BPI: variants seen among roughly 807,000 people sequenced by gnomAD.
BPI encodes bactericidal permeability increasing protein.
In BPI, 48 loss-of-function variants were observed where a neutral mutation model predicts 57.6. That is an observed-to-expected ratio of 0.83 (90% CI 0.66 to 1.06). The LOEUF (loss-of-function observed/expected upper bound fraction) is 1.06, where lower values mean the gene tolerates loss of function less well. Among genes scored for constraint, BPI ranks in the 50% least tolerant of loss-of-function variants. BPI has a pLI of 0.00. For synonymous variants in BPI, 237 were observed against 238.2 expected (o/e 0.99, Z 0.05); for missense variants, 651 against 609.7 (o/e 1.07, Z -0.71).
intron 5 of BPI, among the ~76,000 whole-genome samples, chr20:38,315,338 G>A (rs570502363): frequency 6.6e-6 from 1 of 152,316 alleles, no homozygotes; most frequent in South Asian, 2.1e-4. Flanking sequence ...ATGATGCCAG[G>A]AGGGTCTGGA....
Position 38,310,704 on chromosome 20 carries a change from C to T in BPI, c.536+52C>T, listed in dbSNP as rs760534419. The T allele has an allele frequency of 2.5e-6, 4 of 1,579,532 alleles. No homozygotes were observed. The South Asian group carries it at 4.6e-5, about 18-fold the overall frequency. Reference sequence around the variant, plus strand: ...GAGGAGGGACTTAAAGAAGAACTCTCCCAATCATCCCTGTATTCCGAAAAC... The same window carrying T: ...GAGGAGGGACTTAAAGAAGAACTCTTCCAATCATCCCTGTATTCCGAAAAC... On this transcript the variant is annotated intron_variant, in intron 4 of 14. Coordinates refer to ENST00000642449, the MANE Select transcript of BPI (RefSeq NM_001725.3).
At chr20:38,307,843 G>A (rs150062116) in intron 2 of BPI, among the ~76,000 whole-genome samples, 162 bp downstream of exon 2, 77 of 152,260 alleles carry the variant, frequency 5.1e-4, no homozygotes, top group African/African-American at 1.8e-3. Context: ...CCAGCTGAGC[G>A]TGGAGGAAGC....
At chr20:38,333,329 G>T (rs931439514) in intron 12 of BPI, among the ~76,000 whole-genome samples, 1 of 152,030 alleles carries the variant, frequency 6.6e-6, no homozygotes, top group African/African-American at 2.4e-5. Flanking sequence ...CAGGAAAAGA[G>T]ACTCAGTTGT....
chr20:38,320,345 G>T (rs964144424), intron 7 of BPI, 71 bp downstream of exon 7: 30 of 1,407,774 alleles, frequency 2.1e-5, no homozygotes, highest in African/African-American at 7.1e-5. Context: ...CCCAGTCCTT[G>T]GAAACAAACT....
At chr20:38,337,057 A>G (rs2076771066) in intron 14 of BPI, 89 bp from the exon 15 acceptor site, 1 of 1,408,946 alleles carries the variant, frequency 7.1e-7, no homozygotes, top group Admixed American at 2.0e-5. Flanking sequence ...GCAGGCTCCC[A>G]AAATGTCCTT....
chr20:38,327,494 C>A, intron 10 of BPI, 94 bp from the exon 11 acceptor site: 1 of 1,395,880 alleles, frequency 7.2e-7, no homozygotes, highest in Non-Finnish European at 1.0e-6. Context: ...TGCTGCCCTG[C>A]TGAGCCGTTG....
At chr20:38,319,941 T>C in intron 6 of BPI, 1 of 528,016 alleles carries the variant, frequency 1.9e-6, no homozygotes, top group Non-Finnish European at 3.4e-6. Context: ...CCCTTGACCC[T>C]GTGTCTTAGC....
At chr20:38,318,075 G>A (rs1263667191) in intron 5 of BPI, 1 of 973,814 alleles carries the variant, frequency 1.0e-6, no homozygotes, top group Non-Finnish European at 1.2e-6. Flanking sequence ...ATCTGAGACA[G>A]CAAAATCAAA....
At chr20:38,324,893 G>C in intron 9 of BPI, 60 bp downstream of exon 9, 2 of 1,381,770 alleles carry the variant, frequency 1.4e-6, no homozygotes, top group Non-Finnish European at 2.1e-6. Flanking sequence ...ACAGGGCTTT[G>C]CTGAGTGGAT....
intron 3 of BPI, 50 bp downstream of exon 3, chr20:38,309,108 G>A (rs936709202): frequency 6.2e-7 from 1 of 1,612,438 alleles, no homozygotes; most frequent in Non-Finnish European, 8.5e-7. Context: ...GTGATATTTG[G>A]ACGGGATTAG....
At chr20:38,311,773 T>C in intron 4 of BPI, 101 bp from the exon 5 acceptor site, 1 of 1,231,984 alleles carries the variant, frequency 8.1e-7, no homozygotes, top group Non-Finnish European at 1.2e-6. Flanking sequence ...CCAAAACCTG[T>C]TTCTAGGAGG....
At chr20:38,312,556 A>G (rs895883235) in intron 5 of BPI, among the ~76,000 whole-genome samples, 3 of 152,228 alleles carry the variant, frequency 2.0e-5, no homozygotes, top group Non-Finnish European at 2.9e-5. Flanking sequence ...CTCAAAAAGC[A>G]AAGAGTTTTG....
At chr20:38,324,081 A>T (rs1380791929) in intron 8 of BPI, 35 bp downstream of exon 8, 1 of 1,604,520 alleles carries the variant, frequency 6.2e-7, no homozygotes, top group East Asian at 2.2e-5. Flanking sequence ...TGGGAAGAGC[A>T]CTGGACCCAG....
At chr20:38,312,052 T>C (rs1218052140) in intron 5 of BPI, 115 bp downstream of exon 5, 4 of 1,072,480 alleles carry the variant, frequency 3.7e-6, no homozygotes, top group Non-Finnish European at 5.6e-6. Flanking sequence ...GTAGTCCTTA[T>C]GGCCCTTTGA....
At chr20:38,333,406 G>T (rs568299702) in intron 12 of BPI, among the ~76,000 whole-genome samples, 1 of 152,350 alleles carries the variant, frequency 6.6e-6, no homozygotes, top group East Asian at 1.9e-4. Context: ...CATCTTGAGG[G>T]TTTTACACTA....
At position 38,316,603 on chromosome 20, in the gene BPI, C is replaced by T. The variant is rs1023840680; in HGVS notation, c.601-1810C>T. Among the ~76,000 whole-genome samples, 4 of 152,128 alleles carry T rather than the reference C, an allele frequency of 2.6e-5. No homozygotes were observed. The South Asian group carries it at 6.2e-4, about 24-fold the overall frequency. On this transcript the variant is annotated intron_variant, in intron 5 of 14. Coordinates refer to ENST00000642449, the MANE Select transcript of BPI (RefSeq NM_001725.3). ...TTCCCAGGCAGCGCAGTGAGGAGGT[C>T]GGGAGGCAGGGAAGGGCCTTTACTG...
intron 5 of BPI, among the ~76,000 whole-genome samples, chr20:38,313,407 AAAAAAAG>A (rs1250800494): frequency 6.7e-6 from 1 of 148,326 alleles, no homozygotes; most frequent in African/African-American, 2.5e-5. Flanking sequence ...AAAAAAAAAA[AAAAAAAG>A]GGTAGGGGGG....
chr20:38,335,720 C>T, intron 14 of BPI, 46 bp downstream of exon 14: 1 of 1,568,798 alleles, frequency 6.4e-7, no homozygotes, highest in African/African-American at 1.4e-5. Flanking sequence ...ACGATAGTGA[C>T]CAACAGCAGC....
intron 13 of BPI, 54 bp downstream of exon 13, chr20:38,334,547 G>A (rs1308525347): frequency 5.8e-6 from 9 of 1,554,048 alleles, no homozygotes; most frequent in Non-Finnish European, 8.0e-6. Flanking sequence ...AGAGGGTGGG[G>A]TTGATTACCC....
Sources: gnomAD v4.1 joint callset for allele counts (sites outside exome capture counted in the v4.1 genomes callset) on GRCh38, gnomAD v4.1.1 for gene constraint, MANE v1.5 for transcripts, NCBI Gene and HGNC (gene_info 2026-07-23, HGNC 2026-07-21) for gene names.